MYO1F: variants seen among roughly 807,000 people sequenced by gnomAD.
The protein encoded by MYO1F is myosin IF, also known as unconventional myosin-If.
A neutral mutation model predicts 146.6 loss-of-function variants in MYO1F; 60 were observed. The ratio of observed to expected loss-of-function variants is 0.41; its 90% confidence interval spans 0.33 to 0.51. The LOEUF is 0.51. MYO1F is among the 20% of genes least tolerant of loss of function. MYO1F has a pLI of 0.25. For synonymous variants in MYO1F, 602 were observed against 602.1 expected (o/e 1.00, Z 0.00); for missense variants, 1,274 against 1,534.3 (o/e 0.83, Z 2.83).
chr19:8,577,386 G>A lies in MYO1F; in HGVS notation c.-77C>T. ...GAGGTGCAGGTTCAGGGGGATCTTGGGGGTGGCTTGGGCATGGCCCTGCTT... is the reference window on the plus strand; with the variant it reads ...GAGGTGCAGGTTCAGGGGGATCTTGAGGGTGGCTTGGGCATGGCCCTGCTT... On this transcript the variant is annotated 5_prime_UTR_variant, in exon 1 of 28. Coordinates refer to ENST00000644032, the MANE Select transcript of MYO1F (RefSeq NM_012335.4). The surrounding 1 kb of genome is among the most constrained non-coding windows in gnomAD (Gnocchi z 4.3). 2 of 1,551,132 alleles carry A rather than the reference G, an allele frequency of 1.3e-6. No individual in the cohort carries two copies.
At chr19:8,568,491 A>T (rs1257187214) in intron 1 of MYO1F, among the ~76,000 whole-genome samples, 2 of 150,582 alleles carry the variant, frequency 1.3e-5, no homozygotes, top group African/African-American at 4.9e-5. Context: ...GTTTTGCTCA[A>T]GTGAATATCG....
intron 4 of MYO1F, among the ~76,000 whole-genome samples, chr19:8,554,237 A>T (rs1396442829): frequency 2.0e-5 from 3 of 152,160 alleles, no homozygotes; most frequent in African/African-American, 7.2e-5. Context: ...GATTACAAGC[A>T]TGAGCCACTA....
At chr19:8,553,738 G>A (rs887985737) in intron 4 of MYO1F, among the ~76,000 whole-genome samples, 3 of 151,900 alleles carry the variant, frequency 2.0e-5, no homozygotes, top group Admixed American at 2.0e-4. Context: ...CGGACATGGT[G>A]GTGGGCGCCT....
intron 1 of MYO1F, among the ~76,000 whole-genome samples, chr19:8,558,660 T>C (rs976004407): frequency 6.6e-6 from 1 of 152,080 alleles, no homozygotes; most frequent in Non-Finnish European, 1.5e-5. Context: ...GTCTGACAGA[T>C]AGGAGTGATG....
At chr19:8,542,062 A>G (rs931518695) in intron 14 of MYO1F, 71 bp from the exon 15 acceptor site, 2 of 1,246,030 alleles carry the variant, frequency 1.6e-6, no homozygotes, top group Non-Finnish European at 2.3e-6. Context: ...TGGGGTGCTT[A>G]CAGCCCAGGT....
chr19:8,539,701 A>G (rs1972876862), intron 16 of MYO1F, among the ~76,000 whole-genome samples: 1 of 152,338 alleles, frequency 6.6e-6, no homozygotes, highest in African/African-American at 2.4e-5. Context: ...ACAAAAATGT[A>G]TTAGAATAAT....
chr19:8,524,946 C>T (rs1385505638), intron 25 of MYO1F, among the ~76,000 whole-genome samples: 1 of 152,014 alleles, frequency 6.6e-6, no homozygotes, highest in Non-Finnish European at 1.5e-5. Context: ...CTTGTTAATC[C>T]CAGCACTTTC....
At chr19:8,564,132 G>A (rs1257604417) in intron 1 of MYO1F, among the ~76,000 whole-genome samples, 1 of 152,064 alleles carries the variant, frequency 6.6e-6, no homozygotes, top group East Asian at 1.9e-4. Flanking sequence ...TATAATCCCA[G>A]CACTTTGGGA....
chr19:8,560,696 C>T (rs1320127905), intron 1 of MYO1F, among the ~76,000 whole-genome samples: 2 of 150,722 alleles, frequency 1.3e-5, no homozygotes, highest in Non-Finnish European at 3.0e-5. Context: ...TGGTCTCAGC[C>T]TCCTGTGTAG....
intron 1 of MYO1F, among the ~76,000 whole-genome samples, chr19:8,556,655 A>G (rs988893032): frequency 6.6e-6 from 1 of 151,994 alleles, no homozygotes; most frequent in African/African-American, 2.4e-5. Context: ...TGGGAGGCCA[A>G]GACGGGTGGA....
intron 21 of MYO1F, among the ~76,000 whole-genome samples, chr19:8,529,107 A>G (rs1017267537): frequency 2.0e-5 from 3 of 152,084 alleles, no homozygotes; most frequent in Non-Finnish European, 4.4e-5. Context: ...TGTACAGATC[A>G]TGTGAGGAGG....
chr19:8,547,047 C>CATG (rs1240673037), intron 12 of MYO1F, among the ~76,000 whole-genome samples: 1 of 152,098 alleles, frequency 6.6e-6, no homozygotes, highest in African/African-American at 2.4e-5. Flanking sequence ...CCTGTAGTCC[C>CATG]AGCACTTTGG....
chr19:8,551,663 T>G, intron 8 of MYO1F, 77 bp downstream of exon 8: 1 of 1,609,646 alleles, frequency 6.2e-7, no homozygotes, highest in Non-Finnish European at 8.5e-7. Flanking sequence ...GGCTTCGGTT[T>G]CCTAATTTGT....
In MYO1F at chr19:8,521,588, C is replaced by A; in HGVS notation, c.3237G>T (p.Trp1079Cys). The change falls in exon 28 of 28, where the codon TGG becomes TGT. Residue 1079 changes from tryptophan (W) to cysteine (C), a missense_variant. Trp to Cys is a radical substitution (Grantham distance 215). This residue lies in a region of MYO1F where 374 missense variants were observed against 379.2 expected (regional missense o/e 0.99). Transcript: ENST00000644032. ...EILMEDPSGW[W>C]KGRLHGQEGL... ...CCTCCTGGCCGTGAAGCCGGCCCTT[C>A]CACCAGCCCGAGGGATCTGTGGGAG... The A allele has an allele frequency of 6.2e-7, 1 of 1,614,094 alleles. No homozygotes were observed. The highest frequency in any genetic ancestry group is 8.5e-7 in the Non-Finnish European group (1 of 1,179,996).
Position 8,530,279 on chromosome 19 carries a change from G to A in MYO1F, c.2245C>T (p.Arg749Trp), listed in dbSNP as rs370908051. The part of the protein sequence containing the change: ...FVGDYLGLEE[R>W]PELRQFLGKR... ...CCCAGGAACTGACGCAGCTCGGGCC[G>A]CTCCTCCAGCCCCAGGTAGTCCCCG... Residue 749 changes from arginine (R) to tryptophan (W), a missense_variant, in exon 21 of 28, where the codon CGG becomes TGG. By Grantham distance (101) the Arg-to-Trp change is moderately radical. Coordinates refer to ENST00000644032, the MANE Select transcript of MYO1F (RefSeq NM_012335.4). This position sits in a 1 kb window ranked among gnomAD's most constrained non-coding sequence, Gnocchi z 5.8. The A allele has an allele frequency of 9.9e-6, 16 of 1,613,962 alleles. No individual in the cohort carries two copies. Among genetic ancestry groups the A allele is most frequent in the African/African-American group, 5.3e-5 (4 of 74,898 alleles).
rs1254516577 is a variant in MYO1F, at chr19:8,554,399, G to A, written c.326+78C>T. The stretch of plus-strand genomic sequence containing the variant: ...GCAATGTTCAGATTGGGAGTTTCAG[G>A]CAAACCTCCCTGGGGGTGGTGATGT... On this transcript the variant is annotated intron_variant, in intron 4 of 27. Transcript: ENST00000644032. 6.3e-6 allele frequency: 8 copies of A among 1,261,206 alleles called. No individual in the cohort carries two copies. In the Admixed American group the frequency reaches 1.2e-4, roughly 19 times the overall value. 78.1% of individuals were successfully genotyped at this position (1,261,206 alleles called of 1,614,324 possible). A position where few individuals can be genotyped will look rare whatever the true frequency, so the allele number is the denominator to read the frequency against.
intron 1 of MYO1F, among the ~76,000 whole-genome samples, chr19:8,559,547 G>A (rs2145942046): frequency 6.6e-6 from 1 of 152,162 alleles, no homozygotes; most frequent in Non-Finnish European, 1.5e-5. Flanking sequence ...ACTTCCCAGG[G>A]TTGATGAGAG....
rs746128755 is a variant in MYO1F at position 8,544,468 on chromosome 19, C to T, written c.1357-4G>A. 1.9e-5 allele frequency: 31 copies of T among 1,590,704 alleles called. No individual in the cohort carries two copies. The African/African-American group carries it at 2.8e-4, about 15-fold the overall frequency. ...CGCTCATGATGCCTGGGGGGCTCTG[C>T]GGGGCGAGCGGGAGCCAGCAGCGGC... On this transcript the variant is annotated splice_region_variant and splice_polypyrimidine_tract_variant and intron_variant, in intron 13 of 27. Coordinates refer to ENST00000644032, the MANE Select transcript of MYO1F (RefSeq NM_012335.4).
rs760864408 is a variant in MYO1F at position 8,536,936 on chromosome 19, TG to T, written c.1799+12del. ...TGGGGGGAATGAATCTTGGATTGGT[TG>T]GGGGGGATCACCTGTTCTCCTCCCA... On this transcript the variant is annotated intron_variant, in intron 17 of 27. Transcript: ENST00000644032. The T allele has an allele frequency of 7.1e-5, 88 of 1,236,258 alleles. No individual in the cohort carries two copies. The African/African-American group carries it at 1.5e-3, about 21-fold the overall frequency. 76.6% of individuals were successfully genotyped at this position (1,236,258 alleles called of 1,614,324 possible).
Sources: gnomAD v4.1 joint callset for allele counts (sites outside exome capture counted in the v4.1 genomes callset) on GRCh38, gnomAD v4.1.1 for gene constraint, gnomAD v4.1.1 regional missense constraint, Gnocchi (gnomAD v3.1) non-coding constraint, MANE v1.5 for transcripts, NCBI Gene and HGNC (gene_info 2026-07-23, HGNC 2026-07-21) for gene names.